The following CCDC93 variants were observed in gnomAD, a reference collection of about 807,000 sequenced individuals.
CCDC93 encodes the protein CCC complex scaffolding subunit CCDC93, also known as coiled-coil domain-containing protein 93.
CCDC93 carries 61 observed loss-of-function variants against 108.2 expected under a neutral mutation model. The ratio of observed to expected loss-of-function variants is 0.56; its 90% CI spans 0.46 to 0.70. The LOEUF is 0.70. Ranked by LOEUF, CCDC93 falls within the 30% of genes least tolerant of loss-of-function variation. The pLI, the probability that CCDC93 is intolerant of heterozygous loss-of-function variation, is 0.00. For missense variants in CCDC93, 685 were observed against 764.2 expected, an observed-to-expected ratio of 0.90 and a Z score of 1.22; for synonymous variants, 276 against 260.4, an observed-to-expected ratio of 1.06 and a Z score of -0.58.
intron 3 of CCDC93, among the ~76,000 whole-genome samples, chr2:118,001,614 T>G (rs1214491123): frequency 2.0e-5 from 3 of 152,142 alleles, no homozygotes; most frequent in Admixed American, 6.5e-5. Context: ...GCCTCAGTCT[T>G]CCTCCTATAG....
At chr2:117,943,338 G>A (rs1287299607) in intron 18 of CCDC93, among the ~76,000 whole-genome samples, 3 of 152,194 alleles carry the variant, frequency 2.0e-5, no homozygotes, top group African/African-American at 7.2e-5. Flanking sequence ...TTCCAAATAT[G>A]CAGCTGTACT....
chr2:117,988,057 T>A (rs1209099201), intron 6 of CCDC93, among the ~76,000 whole-genome samples: 1 of 152,034 alleles, frequency 6.6e-6, no homozygotes, highest in East Asian at 1.9e-4. Flanking sequence ...CTGCAAAATG[T>A]CTCATACCTG....
chr2:117,987,098 G>C, intron 6 of CCDC93, among the ~76,000 whole-genome samples: 1 of 150,430 alleles, frequency 6.6e-6, no homozygotes, highest in East Asian at 1.9e-4. Flanking sequence ...ACAGCTAAAA[G>C]GACCTTTTAT....
chr2:118,005,563 C>A (rs1300095237), intron 3 of CCDC93, among the ~76,000 whole-genome samples: 1 of 152,066 alleles, frequency 6.6e-6, no homozygotes, highest in Non-Finnish European at 1.5e-5. Context: ...TTAAGACCAG[C>A]CTGGACAAGA....
At chr2:117,922,730 G>A (rs1363203061) in intron 23 of CCDC93, among the ~76,000 whole-genome samples, 2 of 152,202 alleles carry the variant, frequency 1.3e-5, no homozygotes, top group Non-Finnish European at 2.9e-5. Context: ...GAGGGCCAGT[G>A]AGGGGATGGT....
At chr2:117,995,264 C>T (rs185523921) in intron 6 of CCDC93, 182 bp downstream of exon 6, 47 of 622,024 alleles carry the variant, frequency 7.6e-5, no homozygotes, top group Non-Finnish European at 1.3e-4. Flanking sequence ...TCTCCCTGTG[C>T]ATACTGGTGT....
At chr2:118,007,117 C>A (rs1390617047) in intron 2 of CCDC93, among the ~76,000 whole-genome samples, 1 of 152,178 alleles carries the variant, frequency 6.6e-6, no homozygotes, top group Non-Finnish European at 1.5e-5. Context: ...GACTGAGGAG[C>A]TGACTTTTAT....
chr2:117,920,358 T>G lies in CCDC93; in HGVS notation c.1881A>C (p.Lys627Asn). The change falls in exon 24 of 24, where the codon AAA becomes AAC. Residue 627 changes from lysine (K) to asparagine (N), a missense_variant. Transcript: ENST00000376300. ...RKNEMLLSKV[K>N]AKAS ...CTGGGGATGTTCAGGAGGCCTTCGC[T>G]TTCACCTTGGACAGCAGCATCTCGT... 6.2e-7 allele frequency: 1 copy of G among 1,613,172 alleles called. No homozygotes were observed. The highest frequency in any genetic ancestry group is 1.3e-5 in the African/African-American group (1 of 75,040).
intron 23 of CCDC93, among the ~76,000 whole-genome samples, chr2:117,926,680 T>C (rs917647092): frequency 6.6e-6 from 1 of 152,244 alleles, no homozygotes; most frequent in Non-Finnish European, 1.5e-5. Context: ...AGCCAAATTC[T>C]ACCAGAGGTA....
chr2:117,950,897 T>C (rs189503203), intron 13 of CCDC93: 2 of 985,422 alleles, frequency 2.0e-6, no homozygotes, highest in Admixed American at 1.2e-4. Context: ...TGCCTTAGCT[T>C]TCCCATCTGC....
chr2:117,931,402 G>T (rs1381671175), intron 22 of CCDC93: 13 of 362,526 alleles, frequency 3.6e-5, no homozygotes, highest in Non-Finnish European at 6.0e-5. Flanking sequence ...TTTCACAATG[G>T]ACAGGTTGGT....
chr2:117,997,624 T>C (rs1366210752), intron 4 of CCDC93: 3 of 152,210 alleles, frequency 2.0e-5, no homozygotes, highest in Admixed American at 2.0e-4. Context: ...CTCTGAGGAA[T>C]ATTCCTTGCT....
At chr2:118,001,695 G>A (rs777126577) in intron 3 of CCDC93, among the ~76,000 whole-genome samples, 2 of 152,174 alleles carry the variant, frequency 1.3e-5, no homozygotes, top group African/African-American at 2.4e-5. Flanking sequence ...TTCTCTGTAG[G>A]TCAGGAGGAA....
At chr2:117,929,247 A>G (rs1002317162) in intron 23 of CCDC93, among the ~76,000 whole-genome samples, 1 of 152,210 alleles carries the variant, frequency 6.6e-6, no homozygotes, top group Admixed American at 6.5e-5. Context: ...GTACCCTAAA[A>G]CTTAAAGTAT....
Position 117,981,302 on chromosome 2 carries a change from A to C in CCDC93, c.621-3272T>G, listed in dbSNP as rs536714660. On this transcript the variant is annotated intron_variant, in intron 7 of 23. Coordinates refer to ENST00000376300, the MANE Select transcript of CCDC93 (RefSeq NM_019044.5). ...GTTGCTGCATGAATGAAGAGTCCACATGATTTTTCTAAAGGCCTCATCCAT... is the reference window on the plus strand; with the variant it reads ...GTTGCTGCATGAATGAAGAGTCCACCTGATTTTTCTAAAGGCCTCATCCAT... Among the ~76,000 whole-genome samples, 180 of 152,310 alleles carry C rather than the reference A, an allele frequency of 1.2e-3. 1 individual carries two copies. The highest frequency in any genetic ancestry group is 4.1e-3 in the African/African-American group (172 of 41,564).
At chr2:118,011,341 A>G (rs954822719) in intron 1 of CCDC93, among the ~76,000 whole-genome samples, 1 of 152,176 alleles carries the variant, frequency 6.6e-6, no homozygotes, top group South Asian at 2.1e-4. Flanking sequence ...GACAGCACTG[A>G]GCTACATCCG....
chr2:117,995,325 A>G, intron 6 of CCDC93, 121 bp downstream of exon 6: 1 of 788,126 alleles, frequency 1.3e-6, no homozygotes, highest in Non-Finnish European at 2.2e-6. Context: ...CAGCCATCTG[A>G]GTCTAGCTCC....
At chr2:117,978,137 T>A in intron 7 of CCDC93, 107 bp from the exon 8 acceptor site, 1 of 982,330 alleles carries the variant, frequency 1.0e-6, no homozygotes, top group Non-Finnish European at 1.6e-6. Flanking sequence ...AGAGAATTTA[T>A]GCCATTTGGT....
At chr2:118,010,894 C>G (rs1349131824) in intron 1 of CCDC93, among the ~76,000 whole-genome samples, 1 of 152,208 alleles carries the variant, frequency 6.6e-6, no homozygotes, top group Non-Finnish European at 1.5e-5. Context: ...CCTGAAATGG[C>G]CACTCTCCTC....
Sources: allele counts gnomAD v4.1 joint callset (sites outside exome capture counted in the v4.1 genomes callset), GRCh38; gene constraint gnomAD v4.1.1; transcripts MANE v1.5; gene names NCBI Gene and HGNC (gene_info 2026-07-23, HGNC 2026-07-21).